Variants in BORCS5 observed in about 807,000 individuals in gnomAD.
The protein encoded by BORCS5 is BLOC-1 related complex subunit 5, also known as BLOC-1-related complex subunit 5.
Under a neutral mutation model 22.1 loss-of-function variants are expected in BORCS5, and 17 were observed. The ratio of observed to expected loss-of-function variants is 0.77; its 90% CI spans 0.53 to 1.15. The LOEUF is 1.15. Ranked by LOEUF, BORCS5 falls within the 50% of genes most tolerant of loss-of-function variation. The pLI is 0.00. For missense variants in BORCS5, 247 were observed against 253.2 expected (o/e 0.98, Z 0.17); for synonymous variants, 117 against 99.8 (o/e 1.17, Z -1.03).
Position 12,357,281 on chromosome 12 carries a change from G to A in BORCS5, c.-171G>A. 1 of 1,455,216 alleles carries A rather than the reference G, an allele frequency of 6.9e-7. No homozygotes were observed. The highest frequency in any genetic ancestry group is 2.6e-5 in the Admixed American group (1 of 38,646). The allele number at this position is 1,455,216 out of a possible 1,614,324, so 90.1% of individuals were successfully genotyped here. A position where few individuals can be genotyped will look rare whatever the true frequency, so the allele number is the denominator to read the frequency against. On this transcript the variant is annotated 5_prime_UTR_variant, in exon 1 of 4. Transcript: ENST00000314565. The stretch of plus-strand genomic sequence containing the variant: ...AAATAGGGCCTCTCCTTCTCCCGCC[G>A]CCCAGGCCCCTGCGTGGGCTGGACG...
intron 1 of BORCS5, among the ~76,000 whole-genome samples, chr12:12,360,034 ATATT>A (rs909206802): frequency 2.2e-4 from 33 of 152,248 alleles, no homozygotes; most frequent in African/African-American, 6.7e-4. Context: ...GAAAAAGAAA[ATATT>A]TAGTTATGAA....
intron 3 of BORCS5, among the ~76,000 whole-genome samples, chr12:12,464,907 G>A (rs553084140): frequency 6.6e-6 from 1 of 152,276 alleles, no homozygotes; most frequent in South Asian, 2.1e-4. Flanking sequence ...CCGAGTGTCC[G>A]CCAAACTGCA....
intron 2 of BORCS5, among the ~76,000 whole-genome samples, chr12:12,413,199 C>CAGCAGATAAACAAG (rs1941790669): frequency 3.9e-5 from 3 of 77,798 alleles, no homozygotes; most frequent in African/African-American, 1.6e-4. Context: ...GAGGGAAGGT[C>CAGCAGATAAACAAG]TGGTTTTCCT....
intron 1 of BORCS5, 130 bp from the exon 2 acceptor site, chr12:12,361,076 C>A: frequency 1.2e-6 from 1 of 867,740 alleles, no homozygotes; most frequent in Non-Finnish European, 1.8e-6. Flanking sequence ...TCATCCCTGC[C>A]ACCCCAACCC....
chr12:12,371,454 A>G (rs1592059369), intron 2 of BORCS5, among the ~76,000 whole-genome samples: 1 of 152,004 alleles, frequency 6.6e-6, no homozygotes, highest in South Asian at 2.1e-4. Context: ...ACCACGCCCA[A>G]CTAATCTTTT....
intron 2 of BORCS5, among the ~76,000 whole-genome samples, chr12:12,426,221 G>T (rs531107474): frequency 6.6e-6 from 1 of 152,276 alleles, no homozygotes; most frequent in Non-Finnish European, 1.5e-5. Flanking sequence ...ATTGTTTAGG[G>T]CAGATGAGCA....
rs1337362793 is a variant in BORCS5, at chr12:12,470,000, T to A, written c.*4224T>A. 6.6e-6 allele frequency among the ~76,000 whole-genome samples: 1 copy of A among 152,104 alleles called. No homozygotes were observed. The highest frequency in any genetic ancestry group is 2.4e-5 in the African/African-American group (1 of 41,416). ...ACCCCAGGCCACAGACTGGTACCCA[T>A]CTGTGGCGTGTGAGGAAGTGTGCTG... On this transcript the variant is annotated 3_prime_UTR_variant, in exon 4 of 4. Transcript: ENST00000314565.
In BORCS5 at chr12:12,469,380, T is replaced by C. The variant is rs1943252624; in HGVS notation, c.*3604T>C. On this transcript the variant is annotated 3_prime_UTR_variant, in exon 4 of 4. Coordinates refer to ENST00000314565, the MANE Select transcript of BORCS5 (RefSeq NM_058169.6). The stretch of plus-strand genomic sequence containing the variant: ...TAGAAATGAGTTTAGTCTGGGAGAA[T>C]CTGCTTTTTGAGTAAAAAAGTTTGA... 6.6e-6 allele frequency: 1 copy of C among 152,236 alleles called. No individual in the cohort carries two copies. Among genetic ancestry groups the C allele is most frequent in the Non-Finnish European group, 1.5e-5 (1 of 68,042 alleles). 9.4% of individuals were successfully genotyped at this position (152,236 alleles called of 1,614,324 possible).
intron 1 of BORCS5, among the ~76,000 whole-genome samples, chr12:12,360,296 A>G (rs1169781602): frequency 6.6e-6 from 1 of 152,162 alleles, no homozygotes; most frequent in African/African-American, 2.4e-5. Flanking sequence ...CAGGAGGCGG[A>G]GGTTGCAGTG....
chr12:12,419,989 G>A (rs995237600), intron 2 of BORCS5, among the ~76,000 whole-genome samples: 2 of 152,046 alleles, frequency 1.3e-5, no homozygotes, highest in African/African-American at 4.8e-5. Context: ...CTCCCATTCT[G>A]TAGGTTGCCT....
chr12:12,372,789 T>G (rs1402174355), intron 2 of BORCS5, among the ~76,000 whole-genome samples: 9 of 152,138 alleles, frequency 5.9e-5, no homozygotes, highest in Non-Finnish European at 1.3e-4. Flanking sequence ...TCTCTCTAGT[T>G]TTCTCCAGTC....
intron 2 of BORCS5, among the ~76,000 whole-genome samples, chr12:12,411,939 T>C (rs1269396098): frequency 6.6e-6 from 1 of 152,198 alleles, no homozygotes; most frequent in Non-Finnish European, 1.5e-5. Context: ...TATGACTTTA[T>C]ATGTGAGGGT....
intron 3 of BORCS5, among the ~76,000 whole-genome samples, chr12:12,448,843 A>C (rs1238007914): frequency 6.6e-6 from 1 of 152,110 alleles, no homozygotes; most frequent in Non-Finnish European, 1.5e-5. Flanking sequence ...TCAATTCTTT[A>C]AGGTCTTATT....
chr12:12,362,706 C>T (rs1012089776), intron 2 of BORCS5, among the ~76,000 whole-genome samples: 2 of 118,058 alleles, frequency 1.7e-5, no homozygotes, highest in Admixed American at 2.4e-4. Context: ...ATGGCTTGAT[C>T]TTGGCTTACT....
chr12:12,433,344 AAAAAG>A (rs1942477515), intron 2 of BORCS5, among the ~76,000 whole-genome samples: 1 of 149,058 alleles, frequency 6.7e-6, no homozygotes, highest in Non-Finnish European at 1.5e-5. Context: ...AAAAAAAAAA[AAAAAG>A]GAAATCTGCC....
At chr12:12,393,902 A>G (rs923552036) in intron 2 of BORCS5, among the ~76,000 whole-genome samples, 1 of 151,974 alleles carries the variant, frequency 6.6e-6, no homozygotes, top group Admixed American at 6.6e-5. Context: ...AGAAGTTTTG[A>G]TTGCTAGACT....
chr12:12,438,360 CAAAAAAA>C lies in BORCS5; in HGVS notation c.360+2589_360+2595del, dbSNP rs57737663. Among the ~76,000 whole-genome samples the C allele has an allele frequency of 2.1e-4, 5 of 23,814 alleles. No individual in the cohort carries two copies. In the South Asian group the frequency reaches 5.1e-3, roughly 24 times the overall value. 15.6% of individuals were successfully genotyped at this position (23,814 alleles called of 152,430 possible). On this transcript the variant is annotated intron_variant, in intron 3 of 3. Transcript: ENST00000314565. Reference sequence around the variant, plus strand: ...AGGGCGACAGAGCCAGATTTCATCTCAAAAAAAAAAAAAAAAAAAACGAAAAACAACA... The same window carrying C: ...AGGGCGACAGAGCCAGATTTCATCTCAAAAAAAAAAAAACGAAAAACAACA...
At chr12:12,382,962 T>G (rs1863806386) in intron 2 of BORCS5, among the ~76,000 whole-genome samples, 1 of 151,514 alleles carries the variant, frequency 6.6e-6, no homozygotes, top group African/African-American at 2.4e-5. Flanking sequence ...ACCTTTTGAT[T>G]GAGGTATAAA....
Position 12,417,552 on chromosome 12 carries a change from A to G in BORCS5, c.203-18076A>G, listed in dbSNP as rs916177963. Among the ~76,000 whole-genome samples the G allele has an allele frequency of 3.9e-5, 6 of 152,192 alleles. No individual in the cohort carries two copies. In the South Asian group the frequency reaches 1.0e-3, roughly 26 times the overall value. ...GGTTCTAGTCATTATTGTGAGTGGG[A>G]TATTGAGACTTCCAGCTATTATTGA... is the stretch of plus-strand genomic sequence containing the variant. On this transcript the variant is annotated intron_variant, in intron 2 of 3. Coordinates refer to ENST00000314565, the MANE Select transcript of BORCS5 (RefSeq NM_058169.6).
Sources: allele counts gnomAD v4.1 joint callset (sites outside exome capture counted in the v4.1 genomes callset), GRCh38; gene constraint gnomAD v4.1.1; transcripts MANE v1.5; gene names NCBI Gene and HGNC (gene_info 2026-07-23, HGNC 2026-07-21).